The following MKLN1 variants were observed in gnomAD, a reference collection of about 807,000 sequenced individuals.
MKLN1 encodes muskelin.
MKLN1 carries 18 observed loss-of-function variants against 99.0 expected under a neutral mutation model. That is an observed-to-expected ratio of 0.18 (90% CI 0.13 to 0.27). MKLN1 has a LOEUF of 0.27. Ranked by LOEUF, MKLN1 falls within the 10% of genes least tolerant of loss-of-function variation. The probability of loss-of-function intolerance (pLI) is 1.00; values close to 1 mark genes in which losing one functional copy is unlikely to be tolerated. For synonymous variants in MKLN1, 288 were observed against 293.2 expected, an observed-to-expected ratio of 0.98 and a Z score of 0.18; for missense variants, 621 against 875.9, an observed-to-expected ratio of 0.71 and a Z score of 3.67.
At chr7:131,117,134 T>A (rs1795289499) in intron 1 of MKLN1, among the ~76,000 whole-genome samples, 1 of 151,424 alleles carries the variant, frequency 6.6e-6, no homozygotes, top group African/African-American at 2.4e-5. Flanking sequence ...AGTGGTTAAA[T>A]AAATTATGTG....
chr7:131,445,749 TC>T, intron 11 of MKLN1, 24 bp from the exon 12 acceptor site: 2 of 1,569,270 alleles, frequency 1.3e-6, no homozygotes, highest in Non-Finnish European at 1.7e-6. Context: ...GTTACTCCTT[TC>T]TTTTTTTTTT....
rs1056150409 is a variant in MKLN1 at position 131,110,778 on chromosome 7, G to C, written c.-419+571G>C. Among the ~76,000 whole-genome samples the C allele has an allele frequency of 3.9e-5, 6 of 152,206 alleles. No homozygotes were observed. The South Asian group carries it at 6.2e-4, about 16-fold the overall frequency. ...TACCTCATTCGGCTTAAAGGAGAAA[G>C]AAAACTATGTGTGACATTCCCTCCC... is the stretch of plus-strand genomic sequence containing the variant. On this transcript the variant is annotated intron_variant, in intron 1 of 7. Transcript: ENST00000416992.
chr7:131,431,373 C>A (rs1231038019), intron 9 of MKLN1, among the ~76,000 whole-genome samples: 1 of 152,194 alleles, frequency 6.6e-6, no homozygotes, highest in Admixed American at 6.5e-5. Flanking sequence ...CAAAAAACTT[C>A]AGTGGCATAT....
At chr7:131,213,345 A>G (rs1394837654) in intron 3 of MKLN1, among the ~76,000 whole-genome samples, 1 of 152,190 alleles carries the variant, frequency 6.6e-6, no homozygotes, top group Admixed American at 6.5e-5. Context: ...TATACAGGTT[A>G]CTTATCCTTC....
intron 2 of MKLN1, among the ~76,000 whole-genome samples, chr7:131,169,965 C>A (rs1156688643): frequency 2.6e-5 from 4 of 152,162 alleles, no homozygotes. Flanking sequence ...TGGTTGACAC[C>A]TGTAATCCTA....
chr7:131,164,044 A>G lies in MKLN1; in HGVS notation c.-297+21103A>G, dbSNP rs192034568. ...CGTTCCCAAATGTTTAAACCCTCTC[A>G]TATTATTAGGGGCTAAAAATGTTGC... On this transcript the variant is annotated intron_variant, in intron 2 of 7. Transcript: ENST00000416992. Among the ~76,000 whole-genome samples the G allele has an allele frequency of 1.9e-4, 29 of 152,334 alleles. No individual in the cohort carries two copies. In the East Asian group the frequency reaches 5.2e-3, roughly 27 times the overall value.
intron 3 of MKLN1, chr7:131,242,923 G>A (rs1003655911): frequency 1.2e-5 from 8 of 658,130 alleles, no homozygotes; most frequent in South Asian, 8.3e-5. Flanking sequence ...CACAAGGCCC[G>A]ATGAGAGGCC....
At chr7:131,235,535 ACT>A (rs1269761194) in intron 3 of MKLN1, among the ~76,000 whole-genome samples, 1 of 151,514 alleles carries the variant, frequency 6.6e-6, no homozygotes, top group Non-Finnish European at 1.5e-5. Context: ...TTTCCATCAC[ACT>A]CTCTTCAGCC....
chr7:131,411,979 T>A (rs9719973), intron 7 of MKLN1, among the ~76,000 whole-genome samples: 54,759 of 147,408 alleles, frequency 0.37, 10,365 homozygotes, highest in East Asian at 0.49. Context: ...CCCAGCTGCT[T>A]AGGGTACTGA....
At chr7:131,419,246 A>ATTTTT (rs1054663966) in intron 8 of MKLN1, among the ~76,000 whole-genome samples, 2 of 107,304 alleles carry the variant, frequency 1.9e-5, no homozygotes, top group Admixed American at 9.4e-5. Flanking sequence ...ATATATATAT[A>ATTTTT]TTTTTGTTTT....
At chr7:131,206,539 T>TTATTATTATTATTAA (rs1796813194) in intron 3 of MKLN1, among the ~76,000 whole-genome samples, 1 of 148,918 alleles carries the variant, frequency 6.7e-6, no homozygotes, top group Non-Finnish European at 1.5e-5. Context: ...TGTATAATTA[T>TTATTATTATTATTAA]TATTATTATT....
intron 1 of MKLN1, among the ~76,000 whole-genome samples, chr7:131,338,894 G>T (rs943578194): frequency 7.9e-5 from 12 of 152,176 alleles, no homozygotes; most frequent in Admixed American, 4.6e-4. Flanking sequence ...CAGAAAGGTC[G>T]ATCCCTTCTC....
At chr7:131,175,855 G>A (rs1039026542) in intron 2 of MKLN1, among the ~76,000 whole-genome samples, 1 of 151,962 alleles carries the variant, frequency 6.6e-6, no homozygotes. Context: ...AGCCAAGATT[G>A]CACCATTGCA....
At chr7:131,440,737 C>T (rs1795813231) in intron 10 of MKLN1, among the ~76,000 whole-genome samples, 1 of 151,694 alleles carries the variant, frequency 6.6e-6, no homozygotes, top group Admixed American at 6.6e-5. Flanking sequence ...TAACTGGAGA[C>T]TTTAAAGAAG....
At chr7:131,297,142 T>C (rs553941441) in intron 3 of MKLN1, among the ~76,000 whole-genome samples, 1 of 151,958 alleles carries the variant, frequency 6.6e-6, no homozygotes, top group African/African-American at 2.4e-5. Flanking sequence ...CACGAGGAGA[T>C]TGAGAACAGG....
intron 2 of MKLN1, among the ~76,000 whole-genome samples, chr7:131,184,097 A>C (rs1181674949): frequency 6.6e-6 from 1 of 152,000 alleles, no homozygotes; most frequent in East Asian, 1.9e-4. Flanking sequence ...CATAGACTTC[A>C]AGGGTCTGCA....
intron 2 of MKLN1, among the ~76,000 whole-genome samples, chr7:131,154,007 G>T: frequency 6.6e-6 from 1 of 151,898 alleles, no homozygotes; most frequent in Non-Finnish European, 1.5e-5. Flanking sequence ...TGATCTGTAG[G>T]ATATATTACA....
intron 2 of MKLN1, among the ~76,000 whole-genome samples, chr7:131,377,383 ATT>A: frequency 6.6e-6 from 1 of 152,234 alleles, no homozygotes; most frequent in South Asian, 2.1e-4. Context: ...TGGATTTTTC[ATT>A]TTAACTCATT....
At position 131,470,875 on chromosome 7, in the gene MKLN1, T is replaced by C. The variant is rs1796801774; in HGVS notation, c.1962T>C (p.Ser654=). ...FEEKAQVDPL[S]ALKYLQNDLY... ...AAAAGGCCCAAGTGGATCCCCTTAG[T>C]GCTCTGAAATATTTACAAAATGATC... The change falls in exon 16 of 18, where the codon AGT becomes AGC. Residue 654 remains serine, a synonymous_variant. Coordinates refer to ENST00000352689, the MANE Select transcript of MKLN1 (RefSeq NM_013255.5). 3 of 1,613,084 alleles carry C rather than the reference T, an allele frequency of 1.9e-6. No homozygotes were observed. In the East Asian group the frequency reaches 6.7e-5, roughly 36 times the overall value.
Sources: allele counts gnomAD v4.1 joint callset (sites outside exome capture counted in the v4.1 genomes callset), GRCh38; gene constraint gnomAD v4.1.1; transcripts MANE v1.5; gene names NCBI Gene and HGNC (gene_info 2026-07-23, HGNC 2026-07-21).